The following CSMD3 variants were observed in gnomAD, a reference collection of about 807,000 sequenced individuals.
The protein encoded by CSMD3 is CUB and Sushi multiple domains 3.
Under a neutral mutation model 435.2 loss-of-function variants are expected in CSMD3, and 177 were observed. That is an observed-to-expected ratio of 0.41 (90% confidence interval 0.36 to 0.46). The LOEUF is 0.46. Among genes scored for constraint, CSMD3 ranks in the 20% least tolerant of loss-of-function variants. The pLI, the probability that CSMD3 is intolerant of heterozygous loss-of-function variation, is 0.34. For missense variants in CSMD3, 4,265 were observed against 4,504.6 expected (o/e 0.95, Z 1.52); for synonymous variants, 1,656 against 1,520.5 (o/e 1.09, Z -2.07).
chr8:112,263,745 G>T lies in CSMD3; in HGVS notation c.9756C>A (p.Gly3252=). The change falls in exon 61 of 71, where the codon GGC becomes GGA. Residue 3252 remains glycine (G), a synonymous_variant. Coordinates refer to ENST00000297405, the MANE Select transcript of CSMD3 (RefSeq NM_198123.2). ...GRLEGTNFDW[G]FSISYICSPG... Reference sequence around the variant, plus strand: ...GAGAACAGATGTAGCTAATACTAAAGCCCCAGTCGAAATTTGTTCCTTCCA... The same window carrying T: ...GAGAACAGATGTAGCTAATACTAAATCCCCAGTCGAAATTTGTTCCTTCCA... 1 of 1,613,832 alleles carries T rather than the reference G, an allele frequency of 6.2e-7. No homozygotes were observed. The highest frequency in any genetic ancestry group is 1.1e-5 in the South Asian group (1 of 91,080).
At chr8:113,027,124 T>C (rs1042839955) in intron 5 of CSMD3, among the ~76,000 whole-genome samples, 5 of 152,190 alleles carry the variant, frequency 3.3e-5, no homozygotes, top group Non-Finnish European at 2.9e-5. Flanking sequence ...ATTGCTCTTT[T>C]GTAACCATAT....
chr8:112,412,173 A>G (rs904579855), intron 32 of CSMD3, among the ~76,000 whole-genome samples: 3 of 152,124 alleles, frequency 2.0e-5, no homozygotes, highest in African/African-American at 7.2e-5. Context: ...GGAGTTAAAT[A>G]AAATTTTTGA....
chr8:112,708,104 A>G (rs2076536712), intron 13 of CSMD3, among the ~76,000 whole-genome samples: 1 of 152,210 alleles, frequency 6.6e-6, no homozygotes, highest in East Asian at 1.9e-4. Context: ...AGAGGGAGAA[A>G]AAGTTATTTT....
intron 1 of CSMD3, among the ~76,000 whole-genome samples, chr8:113,390,401 T>C (rs1285509436): frequency 1.3e-5 from 2 of 151,826 alleles, no homozygotes; most frequent in Non-Finnish European, 2.9e-5. Context: ...TTTTTATACT[T>C]TAGGACCCAG....
intron 32 of CSMD3, among the ~76,000 whole-genome samples, chr8:112,433,201 A>G (rs1053549348): frequency 2.0e-5 from 3 of 152,032 alleles, no homozygotes; most frequent in African/African-American, 7.2e-5. Flanking sequence ...ATATTCTGAA[A>G]AGACAGAATA....
At chr8:112,547,864 A>G (rs1035679891) in intron 27 of CSMD3, among the ~76,000 whole-genome samples, 6 of 152,136 alleles carry the variant, frequency 3.9e-5, no homozygotes, top group South Asian at 2.1e-4. Flanking sequence ...TTAGTGATAA[A>G]TATGTTTAAT....
intron 59 of CSMD3, among the ~76,000 whole-genome samples, chr8:112,274,179 T>A (rs1817805709): frequency 6.6e-6 from 1 of 151,466 alleles, no homozygotes; most frequent in Non-Finnish European, 1.5e-5. Context: ...AGGAAGAATT[T>A]ACCTTCCATC....
chr8:112,997,458 A>G (rs1300247205), intron 6 of CSMD3, among the ~76,000 whole-genome samples: 1 of 151,686 alleles, frequency 6.6e-6, no homozygotes, highest in African/African-American at 2.4e-5. Context: ...TATGAAATTT[A>G]GTTGTATAAA....
In CSMD3 at chr8:112,374,737, A is replaced by C. The variant is rs78164644; in HGVS notation, c.6136+5615T>G. 6.3e-3 allele frequency among the ~76,000 whole-genome samples: 958 copies of C among 152,290 alleles called. 11 individuals are homozygous for C. The highest frequency in any genetic ancestry group is 0.022 in the African/African-American group (926 of 41,580). ...TTAAGGCCTATCAACACAATGCTTT[A>C]AAAAGTTGCTGATTATAATATCGTC... On this transcript the variant is annotated intron_variant, in intron 38 of 70. Coordinates refer to ENST00000297405, the MANE Select transcript of CSMD3 (RefSeq NM_198123.2).
intron 27 of CSMD3, among the ~76,000 whole-genome samples, chr8:112,536,413 A>G (rs1439073020): frequency 6.6e-6 from 1 of 152,254 alleles, no homozygotes; most frequent in Non-Finnish European, 1.5e-5. Flanking sequence ...CAAAAACCAC[A>G]TGAAAAAATG....
At position 113,436,827 on chromosome 8, in the gene CSMD3, G is replaced by A. The variant is rs779460744; in HGVS notation, c.28C>T (p.Arg10Ter). Residue 10 changes from arginine (R) to a stop codon, truncating the protein, a stop_gained, in exon 1 of 71, where the codon CGA becomes TGA. Transcript: ENST00000297405. LOFTEE classifies it high-confidence loss of function. The stretch of plus-strand genomic sequence containing the variant: ...TCCCAGGGTTTGGATTCCTTTGCTC[G>A]GCTTTCCCCTTTGCGGATCCCTTTC... MKGIRKGES[R>*]AKESKPWEPG... 1 of 1,613,954 alleles carries A rather than the reference G, an allele frequency of 6.2e-7. No homozygotes were observed. Among genetic ancestry groups the A allele is most frequent in the Non-Finnish European group, 8.5e-7 (1 of 1,180,024 alleles).
At chr8:112,991,908 T>C (rs980184365) in intron 6 of CSMD3, among the ~76,000 whole-genome samples, 1 of 151,906 alleles carries the variant, frequency 6.6e-6, no homozygotes, top group East Asian at 1.9e-4. Context: ...AGATGAGCTG[T>C]ATATCACATG....
intron 10 of CSMD3, among the ~76,000 whole-genome samples, chr8:112,875,017 G>A (rs1449997458): frequency 6.6e-6 from 1 of 152,116 alleles, no homozygotes; most frequent in African/African-American, 2.4e-5. Context: ...TAGTGTCGAT[G>A]GACTTCACAG....
intron 13 of CSMD3, among the ~76,000 whole-genome samples, chr8:112,761,042 G>C (rs892373025): frequency 2.0e-5 from 3 of 152,138 alleles, no homozygotes; most frequent in Non-Finnish European, 2.9e-5. Flanking sequence ...GACTGATTAA[G>C]AGTTCACTTA....
intron 1 of CSMD3, among the ~76,000 whole-genome samples, chr8:113,411,053 T>C (rs1563795651): frequency 7.0e-6 from 1 of 143,354 alleles, no homozygotes; most frequent in South Asian, 2.2e-4. Context: ...AGGAGAAAGA[T>C]AGGAAGGAAG....
At chr8:113,072,381 A>T (rs2089163473) in intron 5 of CSMD3, among the ~76,000 whole-genome samples, 1 of 151,660 alleles carries the variant, frequency 6.6e-6, no homozygotes, top group African/African-American at 2.4e-5. Flanking sequence ...TTAGAGGAAA[A>T]GTTCACTGTG....
chr8:113,094,498 T>G (rs72685816), intron 5 of CSMD3, among the ~76,000 whole-genome samples: 3,961 of 152,288 alleles, frequency 0.026, 62 homozygotes, highest in Non-Finnish European at 0.041. Flanking sequence ...GTGATCACCA[T>G]CACAGTATTA....
At chr8:113,021,800 C>A (rs1343702186) in intron 5 of CSMD3, among the ~76,000 whole-genome samples, 1 of 152,058 alleles carries the variant, frequency 6.6e-6, no homozygotes, top group African/African-American at 2.4e-5. Context: ...AGTAGAGCTG[C>A]AGTAGGGAGA....
chr8:113,244,964 T>C (rs2093260567), intron 3 of CSMD3, among the ~76,000 whole-genome samples: 1 of 152,172 alleles, frequency 6.6e-6, no homozygotes, highest in Non-Finnish European at 1.5e-5. Context: ...TTGCTATTTG[T>C]AGTTTTAGTC....
Sources: gnomAD v4.1 joint callset for allele counts (sites outside exome capture counted in the v4.1 genomes callset) on GRCh38, gnomAD v4.1.1 for gene constraint, MANE v1.5 for transcripts, NCBI Gene and HGNC (gene_info 2026-07-23, HGNC 2026-07-21) for gene names.